Variants in SYT1 observed in about 807,000 individuals in gnomAD.
SYT1 encodes synaptotagmin 1, also known as synaptotagmin-1.
Under a neutral mutation model 44.8 loss-of-function variants are expected in SYT1, and 8 were observed. That is an observed-to-expected ratio of 0.18 (90% CI 0.10 to 0.32). SYT1 has a LOEUF of 0.32. SYT1 is among the 10% of genes least tolerant of loss of function. The pLI is 1.00. For synonymous variants in SYT1, 154 were observed against 188.8 expected (o/e 0.82, Z 1.51); for missense variants, 286 against 509.3 (o/e 0.56, Z 4.22).
intron 3 of SYT1, among the ~76,000 whole-genome samples, chr12:79,064,361 A>G (rs1458770408): frequency 6.6e-6 from 1 of 152,208 alleles, no homozygotes; most frequent in Non-Finnish European, 1.5e-5. Context: ...GTTTACTTTC[A>G]GCAAAGAAAT....
chr12:78,990,866 C>T (rs1003401608), intron 2 of SYT1, among the ~76,000 whole-genome samples: 1 of 152,146 alleles, frequency 6.6e-6, no homozygotes, highest in Non-Finnish European at 1.5e-5. Context: ...CGCTGCAGCT[C>T]AAGCTCACTT....
At chr12:79,113,279 T>A (rs1007189212) in intron 3 of SYT1, among the ~76,000 whole-genome samples, 11 of 152,174 alleles carry the variant, frequency 7.2e-5, no homozygotes, top group African/African-American at 2.7e-4. Context: ...CTTCATTGAT[T>A]TAACTTGAAG....
At chr12:79,084,376 A>T (rs1200767851) in intron 3 of SYT1, among the ~76,000 whole-genome samples, 1 of 152,180 alleles carries the variant, frequency 6.6e-6, no homozygotes, top group Non-Finnish European at 1.5e-5. Context: ...AATTAGTTGA[A>T]CATACACTAG....
intron 1 of SYT1, among the ~76,000 whole-genome samples, chr12:78,932,099 T>C (rs1877791195): frequency 6.6e-6 from 1 of 152,196 alleles, no homozygotes; most frequent in African/African-American, 2.4e-5. Context: ...CAGTTTGGCT[T>C]ATAAAGTCTT....
chr12:79,327,983 T>C (rs1362177088), intron 8 of SYT1, among the ~76,000 whole-genome samples: 1 of 152,040 alleles, frequency 6.6e-6, no homozygotes, highest in Non-Finnish European at 1.5e-5. Flanking sequence ...TTTAGGGCCT[T>C]GAAGGTGGGA....
intron 2 of SYT1, among the ~76,000 whole-genome samples, chr12:79,012,983 G>A (rs1871519389): frequency 6.6e-6 from 1 of 151,858 alleles, no homozygotes; most frequent in African/African-American, 2.4e-5. Context: ...CTCCTCCCAT[G>A]CAGTCCCTTC....
At chr12:79,151,096 C>G (rs1870244496) in intron 3 of SYT1, among the ~76,000 whole-genome samples, 1 of 152,102 alleles carries the variant, frequency 6.6e-6, no homozygotes, top group African/African-American at 2.4e-5. Flanking sequence ...CCTCAGAGTC[C>G]TGTGTCCCAA....
intron 4 of SYT1, among the ~76,000 whole-genome samples, chr12:79,238,885 AC>A (rs1310539363): frequency 6.6e-6 from 1 of 152,180 alleles, no homozygotes; most frequent in Non-Finnish European, 1.5e-5. Flanking sequence ...TGTTGCTGAG[AC>A]CTCATTAACA....
chr12:78,932,116 T>C (rs146702614), intron 1 of SYT1, among the ~76,000 whole-genome samples: 47 of 152,364 alleles, frequency 3.1e-4, no homozygotes, highest in African/African-American at 1.1e-3. Context: ...TCTTCCCTTA[T>C]TGATGCAATT....
chr12:79,417,080 T>A (rs1297586244), intron 9 of SYT1, among the ~76,000 whole-genome samples: 1 of 152,200 alleles, frequency 6.6e-6, no homozygotes, highest in African/African-American at 2.4e-5. Context: ...CAAAAGTGTC[T>A]CTGAAAATTT....
At chr12:79,146,692 C>T (rs1315628189) in intron 3 of SYT1, among the ~76,000 whole-genome samples, 1 of 151,982 alleles carries the variant, frequency 6.6e-6, no homozygotes, top group Admixed American at 6.5e-5. Context: ...TAAAACATGA[C>T]CTTATGAAAT....
At chr12:79,203,566 T>C (rs1873924591) in intron 3 of SYT1, among the ~76,000 whole-genome samples, 1 of 152,046 alleles carries the variant, frequency 6.6e-6, no homozygotes, top group South Asian at 2.1e-4. Flanking sequence ...GATCAACATA[T>C]AGACTAATAA....
chr12:79,349,572 TA>T (rs976356990), intron 8 of SYT1, among the ~76,000 whole-genome samples: 2 of 152,072 alleles, frequency 1.3e-5, no homozygotes, highest in Non-Finnish European at 2.9e-5. Context: ...TCTTTATATA[TA>T]AAATGGACAT....
chr12:79,320,815 G>T (rs1881323795), intron 8 of SYT1, among the ~76,000 whole-genome samples: 1 of 151,774 alleles, frequency 6.6e-6, no homozygotes, highest in Non-Finnish European at 1.5e-5. Flanking sequence ...TAGAGATGGG[G>T]TTTCACCATG....
chr12:78,876,752 T>TA lies in SYT1; in HGVS notation c.-217+11644dup, dbSNP rs1565697518. Among the ~76,000 whole-genome samples, 140 of 95,688 alleles carry TA rather than the reference T, an allele frequency of 1.5e-3. 1 individual carries two copies. Among genetic ancestry groups the TA allele is most frequent in the African/African-American group, 4.9e-3 (87 of 17,856 alleles). The allele number at this position is 95,688 out of a possible 152,430, so 62.8% of individuals were successfully genotyped here. A position where few individuals can be genotyped will look rare whatever the true frequency, so the allele number is the denominator to read the frequency against. On this transcript the variant is annotated intron_variant, in intron 1 of 10. Coordinates refer to ENST00000261205, the MANE Select transcript of SYT1 (RefSeq NM_005639.3). Reference sequence around the variant, plus strand: ...ATTATATATTATATATTATATATTGTATATTATATATATTATATATTTATA... The same window carrying TA: ...ATTATATATTATATATTATATATTGTAATATTATATATATTATATATTTATA...
At chr12:79,156,398 C>G (rs138910393) in intron 3 of SYT1, among the ~76,000 whole-genome samples, 10 of 152,232 alleles carry the variant, frequency 6.6e-5, no homozygotes, top group Middle Eastern at 3.4e-3. Flanking sequence ...CCCAAACTGC[C>G]TGAAAACTGT....
intron 3 of SYT1, among the ~76,000 whole-genome samples, chr12:79,215,735 A>G (rs1451117520): frequency 6.6e-6 from 1 of 151,964 alleles, no homozygotes; most frequent in Non-Finnish European, 1.5e-5. Flanking sequence ...TAAAATAAAA[A>G]TTCGTATCTA....
chr12:79,284,406 T>C (rs1329540255), intron 4 of SYT1, among the ~76,000 whole-genome samples: 1 of 152,210 alleles, frequency 6.6e-6, no homozygotes, highest in Non-Finnish European at 1.5e-5. Context: ...CCTCCTCTCA[T>C]TGCCTTTGCA....
intron 3 of SYT1, among the ~76,000 whole-genome samples, chr12:79,198,052 C>G (rs2138481467): frequency 6.6e-6 from 1 of 152,146 alleles, no homozygotes; most frequent in African/African-American, 2.4e-5. Flanking sequence ...TTCACATTAC[C>G]TTATTCAGGT....
Sources: allele counts gnomAD v4.1 joint callset (sites outside exome capture counted in the v4.1 genomes callset), GRCh38; gene constraint gnomAD v4.1.1; transcripts MANE v1.5; gene names NCBI Gene and HGNC (gene_info 2026-07-23, HGNC 2026-07-21).